MAEA: variants seen among roughly 807,000 people sequenced by gnomAD.
The protein encoded by MAEA is macrophage erythroblast attacher, E3 ubiquitin ligase, also known as E3 ubiquitin-protein transferase MAEA.
MAEA carries 22 observed loss-of-function variants against 46.2 expected under a neutral mutation model. The observed-to-expected ratio is 0.48, with a 90% CI of 0.34 to 0.68. MAEA has a LOEUF of 0.68. Ranked by LOEUF, MAEA falls within the 30% of genes least tolerant of loss-of-function variation. MAEA has a pLI of 0.01. For synonymous variants in MAEA, 246 were observed against 222.6 expected (o/e 1.11, Z -0.94); for missense variants, 393 against 558.1 (o/e 0.70, Z 2.98).
intron 3 of MAEA, among the ~76,000 whole-genome samples, chr4:1,319,362 A>G (rs967725526): frequency 5.3e-5 from 8 of 152,082 alleles, no homozygotes; most frequent in African/African-American, 1.9e-4. Context: ...CAAAACAAAC[A>G]AAAGTCAGCA....
rs560835818 is a variant in MAEA at position 1,320,488 on chromosome 4, T to C, written c.457-1893T>C. 2.7e-4 allele frequency among the ~76,000 whole-genome samples: 36 copies of C among 133,714 alleles called. No individual in the cohort carries two copies. The East Asian group carries it at 5.6e-3, about 21-fold the overall frequency. The allele number at this position is 133,714 out of a possible 152,430, so 87.7% of individuals were successfully genotyped here. A position where few individuals can be genotyped will look rare whatever the true frequency, so the allele number is the denominator to read the frequency against. On this transcript the variant is annotated intron_variant, in intron 3 of 8. Transcript: ENST00000303400. ...CTATGAAGGGGCTTCAGAAAAGAAA[T>C]CATCAAAGCAAACATGCAAGAAAAC...
At chr4:1,324,678 C>G (rs1738575706) in intron 4 of MAEA, among the ~76,000 whole-genome samples, 1 of 106,500 alleles carries the variant, frequency 9.4e-6, no homozygotes, top group African/African-American at 4.2e-5. Flanking sequence ...ATGAGTGTGT[C>G]TGGTGTTGGA....
Position 1,315,688 on chromosome 4 carries a change from G to A in MAEA, c.456+88G>A, listed in dbSNP as rs1737039810. On this transcript the variant is annotated intron_variant, in intron 3 of 8. Coordinates refer to ENST00000303400, the MANE Select transcript of MAEA (RefSeq NM_001017405.3). ...CTGTGGCATGTCCCCCGGCATGCCT[G>A]TGTCCCTACATGCTTGTGTTCCCCT... 6.1e-6 allele frequency: 8 copies of A among 1,314,238 alleles called. No individual in the cohort carries two copies. The Admixed American group carries it at 7.8e-5, about 13-fold the overall frequency. The allele number at this position is 1,314,238 out of a possible 1,614,324, so 81.4% of individuals were successfully genotyped here. A position where few individuals can be genotyped will look rare whatever the true frequency, so the allele number is the denominator to read the frequency against.
rs1026333372 is a variant in MAEA at position 1,333,565 on chromosome 4, TGG to T, written c.765+704_765+705del. On this transcript the variant is annotated intron_variant, in intron 6 of 8. Transcript: ENST00000303400. The stretch of plus-strand genomic sequence containing the variant: ...CTCTCCGCGGTCACTGGGGTAGGGT[TGG>T]GGGTTCTGCCATCACTAACCAGGCA... Among the ~76,000 whole-genome samples the T allele has an allele frequency of 3.0e-4, 46 of 152,134 alleles. 1 individual carries two copies. Among genetic ancestry groups the T allele is most frequent in the Non-Finnish European group, 5.1e-4 (35 of 68,004 alleles).
At chr4:1,290,429 C>T (rs1231285597) in intron 1 of MAEA, among the ~76,000 whole-genome samples, 1 of 152,174 alleles carries the variant, frequency 6.6e-6, no homozygotes, top group Admixed American at 6.5e-5. Flanking sequence ...AGGGAGAAAC[C>T]TCACGGCCTG....
At chr4:1,329,391 A>G in intron 5 of MAEA, 1 of 985,288 alleles carries the variant, frequency 1.0e-6, no homozygotes, top group Non-Finnish European at 1.2e-6. Flanking sequence ...CCTCCACCTC[A>G]TAATGTCTGA....
At chr4:1,326,842 C>T (rs116302760) in intron 4 of MAEA, among the ~76,000 whole-genome samples, 3,085 of 152,340 alleles carry the variant, frequency 0.02, 98 homozygotes, top group African/African-American at 0.069. Flanking sequence ...GCCATGTTCT[C>T]GCCAGGTGTC....
At chr4:1,303,053 C>A (rs947121494) in intron 1 of MAEA, among the ~76,000 whole-genome samples, 14 of 151,770 alleles carry the variant, frequency 9.2e-5, no homozygotes, top group African/African-American at 3.4e-4. Context: ...CTGGCAGCTC[C>A]CCTCCTCAGC....
At chr4:1,290,037 C>T (rs1231883814) in intron 1 of MAEA, 55 bp downstream of exon 1, 2 of 1,412,016 alleles carry the variant, frequency 1.4e-6, no homozygotes, top group African/African-American at 1.5e-5. Context: ...CAGCCAGTGC[C>T]CTCGGGCCGC....
At chr4:1,323,300 C>A (rs1738386790) in intron 4 of MAEA, among the ~76,000 whole-genome samples, 1 of 152,112 alleles carries the variant, frequency 6.6e-6, no homozygotes, top group African/African-American at 2.4e-5. Context: ...TCCTAAAGGA[C>A]AAAATTTAAA....
chr4:1,338,550 C>T lies in MAEA; in HGVS notation c.1028C>T (p.Ser343Phe), dbSNP rs764915057. The T allele has an allele frequency of 3.1e-6, 5 of 1,613,370 alleles. No homozygotes were observed. Among genetic ancestry groups the T allele is most frequent in the African/African-American group, 1.3e-5 (1 of 75,078 alleles). ...CANSRLVCKI[S>F]GDVMNENNPP... ...AACTCCCGCCTGGTCTGCAAGATTTCTGGCGACGTGATGAACGAGAACAAT... is the reference window on the plus strand; with the variant it reads ...AACTCCCGCCTGGTCTGCAAGATTTTTGGCGACGTGATGAACGAGAACAAT... Residue 343 changes from serine to phenylalanine, a missense_variant, in exon 8 of 9, where the codon TCT (serine) becomes TTT (phenylalanine). Ser to Phe is a radical substitution (Grantham distance 155). Around this residue, in one of 2 missense-constraint regions of MAEA, gnomAD observed 358 missense variants for 537.9 expected, o/e 0.67. Transcript: ENST00000303400.
chr4:1,289,943 G>T lies in MAEA; in HGVS notation c.30G>T (p.Leu10Phe). 6.2e-7 allele frequency: 1 copy of T among 1,602,384 alleles called. No homozygotes were observed. The highest frequency in any genetic ancestry group is 1.3e-5 in the African/African-American group (1 of 74,520). Reference sequence around the variant, plus strand: ...CGGTGCAGGAGTCGGCGGCTCAGTTGTCCATGACCCTGAAGGTCCAGGAGT... The same window carrying T: ...CGGTGCAGGAGTCGGCGGCTCAGTTTTCCATGACCCTGAAGGTCCAGGAGT... MAVQESAAQ[L>F]SMTLKVQEYP... is the part of the protein sequence containing the mutation. The change falls in exon 1 of 9, where the codon TTG becomes TTT. Residue 10 changes from leucine (L) to phenylalanine (F), a missense_variant. This residue lies in a region of MAEA where 35 missense variants were observed against 20.1 expected (regional missense o/e 1.74). Coordinates refer to ENST00000303400, the MANE Select transcript of MAEA (RefSeq NM_001017405.3).
rs146484993 is a variant in MAEA at position 1,326,722 on chromosome 4, G to A, written c.580-905G>A. On this transcript the variant is annotated intron_variant, in intron 4 of 8. Transcript: ENST00000303400. The stretch of plus-strand genomic sequence containing the variant: ...TCCTGGAAGCGCCCTCCCTTCACGC[G>A]AGCCGCCCCTTGGCCTCACAGCCAC... 2.6e-3 allele frequency among the ~76,000 whole-genome samples: 390 copies of A among 150,360 alleles called. 2 individuals carry two copies. The highest frequency in any genetic ancestry group is 9.1e-3 in the African/African-American group (373 of 40,792).
At chr4:1,323,757 G>C (rs909246148) in intron 4 of MAEA, 2 of 632,906 alleles carry the variant, frequency 3.2e-6, no homozygotes, top group Non-Finnish European at 5.7e-6. Context: ...GGATATTCCT[G>C]CAAGCCCTAA....
intron 3 of MAEA, 79 bp downstream of exon 3, chr4:1,315,679 G>C (rs554450054): frequency 1.4e-6 from 2 of 1,421,134 alleles, no homozygotes; most frequent in East Asian, 2.4e-5. Context: ...CATGTCCCCC[G>C]GCATGCCTGT....
intron 1 of MAEA, among the ~76,000 whole-genome samples, chr4:1,297,381 G>C (rs1325921518): frequency 6.6e-6 from 1 of 151,356 alleles, no homozygotes; most frequent in Non-Finnish European, 1.5e-5. Context: ...ATCCTCCCAA[G>C]CGTTTACACT....
At chr4:1,334,045 CT>C (rs1712332238) in intron 6 of MAEA, among the ~76,000 whole-genome samples, 1 of 34,338 alleles carries the variant, frequency 2.9e-5, no homozygotes, top group Non-Finnish European at 5.6e-5. Context: ...CCACCATGTG[CT>C]CACCCCTGCA....
intron 1 of MAEA, among the ~76,000 whole-genome samples, chr4:1,302,919 G>A (rs1366990467): frequency 1.3e-5 from 2 of 152,142 alleles, no homozygotes; most frequent in African/African-American, 2.4e-5. Flanking sequence ...CCCACCAGAA[G>A]GGCTGTAGCA....
At chr4:1,293,637 T>C (rs1734336118) in intron 1 of MAEA, among the ~76,000 whole-genome samples, 1 of 152,120 alleles carries the variant, frequency 6.6e-6, no homozygotes, top group Admixed American at 6.5e-5. Context: ...CCACCTCTCC[T>C]CTCCTGGAGC....
Sources: gnomAD v4.1 joint callset for allele counts (sites outside exome capture counted in the v4.1 genomes callset) on GRCh38, gnomAD v4.1.1 for gene constraint, gnomAD v4.1.1 regional missense constraint, MANE v1.5 for transcripts, NCBI Gene and HGNC (gene_info 2026-07-23, HGNC 2026-07-21) for gene names.